TXNDC15: variants seen among roughly 807,000 people sequenced by gnomAD.
TXNDC15 encodes the protein thioredoxin domain-containing protein 15.
In TXNDC15, 24 loss-of-function variants were observed where a neutral mutation model predicts 35.0. That is an observed-to-expected ratio of 0.68 (90% confidence interval 0.50 to 0.96). The LOEUF is 0.96. Ranked by LOEUF, TXNDC15 falls within the 40% of genes least tolerant of loss-of-function variation. The pLI, the probability that TXNDC15 is intolerant of heterozygous loss-of-function variation, is 0.00. For synonymous variants in TXNDC15, 169 were observed against 174.0 expected (o/e 0.97, Z 0.23); for missense variants, 385 against 453.3 (o/e 0.85, Z 1.37).
intron 2 of TXNDC15, among the ~76,000 whole-genome samples, chr5:134,891,274 C>T (rs1386057127): frequency 6.6e-6 from 1 of 152,166 alleles, no homozygotes; most frequent in Non-Finnish European, 1.5e-5. Context: ...CTATCTATGG[C>T]AACTATAGCC....
intron 1 of TXNDC15, among the ~76,000 whole-genome samples, chr5:134,879,793 C>A (rs916849499): frequency 2.1e-5 from 3 of 144,326 alleles, no homozygotes; most frequent in Admixed American, 1.4e-4. Flanking sequence ...TTCTTACCTG[C>A]CTTTTTTTTT....
chr5:134,874,640 GGCGTCTCCCCGGGC>G, intron 1 of TXNDC15, 110 bp downstream of exon 1: 2 of 871,156 alleles, frequency 2.3e-6, no homozygotes, highest in Non-Finnish European at 3.3e-6. Context: ...GCCCCTTCTT[GGCGTCTCCCCGGGC>G]GCGTCTCCCC....
intron 1 of TXNDC15, among the ~76,000 whole-genome samples, chr5:134,880,154 T>G (rs540747685): frequency 6.6e-6 from 1 of 152,234 alleles, no homozygotes; most frequent in South Asian, 2.1e-4. Context: ...ATGTTCCAAA[T>G]AGCAAAATAG....
chr5:134,878,495 C>G (rs549900522), intron 1 of TXNDC15, among the ~76,000 whole-genome samples: 1 of 152,288 alleles, frequency 6.6e-6, no homozygotes, highest in East Asian at 1.9e-4. Flanking sequence ...TCCTCATTTG[C>G]CTTTCCTGCC....
rs1018183618 is a variant in TXNDC15, at chr5:134,901,632, A to G, written c.*1947A>G. ...TTTAAAGAATAAACTAGGTTGGTGC[A>G]GTAGCTCACGCCTGTAATCCCAGGA... On this transcript the variant is annotated 3_prime_UTR_variant, in exon 5 of 5. Coordinates refer to ENST00000358387, the MANE Select transcript of TXNDC15 (RefSeq NM_024715.4). The G allele has an allele frequency of 1.3e-5, 2 of 152,238 alleles. No homozygotes were observed. Among genetic ancestry groups the G allele is most frequent in the African/African-American group, 4.8e-5 (2 of 41,452 alleles). 9.4% of individuals were successfully genotyped at this position (152,238 alleles called of 1,614,324 possible).
chr5:134,896,920 G>A (rs1750501357), intron 4 of TXNDC15, among the ~76,000 whole-genome samples: 1 of 148,824 alleles, frequency 6.7e-6, no homozygotes, highest in African/African-American at 2.5e-5. Context: ...TGGGATTACA[G>A]GCGTGAGCCA....
chr5:134,881,195 A>ATTTTTTTT (rs1750136282), intron 1 of TXNDC15, among the ~76,000 whole-genome samples: 1 of 132,558 alleles, frequency 7.5e-6, no homozygotes, highest in African/African-American at 2.8e-5. Context: ...TTATTTATTT[A>ATTTTTTTT]TTTATTTTTT....
intron 1 of TXNDC15, among the ~76,000 whole-genome samples, chr5:134,881,395 G>T (rs1218043256): frequency 1.3e-4 from 13 of 96,828 alleles, no homozygotes; most frequent in Admixed American, 1.2e-4. Context: ...GACTCTTAAC[G>T]AGCATGCTGC....
At position 134,899,719 on chromosome 5, in the gene TXNDC15, C is replaced by CA; in HGVS notation, c.*36dup. 6.6e-7 allele frequency: 1 copy of CA among 1,511,062 alleles called. No individual in the cohort carries two copies. The highest frequency in any genetic ancestry group is 8.9e-7 in the Non-Finnish European group (1 of 1,125,098). 93.6% of individuals were successfully genotyped at this position (1,511,062 alleles called of 1,614,324 possible). A position where few individuals can be genotyped will look rare whatever the true frequency, so the allele number is the denominator to read the frequency against. On this transcript the variant is annotated 3_prime_UTR_variant, in exon 5 of 5. Coordinates refer to ENST00000358387, the MANE Select transcript of TXNDC15 (RefSeq NM_024715.4). ...TGAAAGAAGTTGGAAAGAGGAACTTCAATCCTTCGTTTCAGAAATTAGTGC... is the reference window on the plus strand; with the variant it reads ...TGAAAGAAGTTGGAAAGAGGAACTTCAAATCCTTCGTTTCAGAAATTAGTGC...
chr5:134,882,727 G>T (rs1034761377), intron 1 of TXNDC15, among the ~76,000 whole-genome samples: 1 of 152,084 alleles, frequency 6.6e-6, no homozygotes, highest in African/African-American at 2.4e-5. Flanking sequence ...GCAATCGCAG[G>T]CACTCGGCAG....
intron 1 of TXNDC15, among the ~76,000 whole-genome samples, chr5:134,884,010 G>A (rs1046110920): frequency 6.6e-6 from 1 of 151,518 alleles, no homozygotes; most frequent in Non-Finnish European, 1.5e-5. Context: ...CCCGAGGTCA[G>A]GAGTTCGAGA....
intron 1 of TXNDC15, among the ~76,000 whole-genome samples, chr5:134,882,300 G>A (rs1385520195): frequency 6.6e-6 from 1 of 151,738 alleles, no homozygotes; most frequent in South Asian, 2.1e-4. Context: ...CCGGGAAGAG[G>A]CGCTCCTCAT....
intron 3 of TXNDC15, 104 bp from the exon 4 acceptor site, chr5:134,896,190 C>A: frequency 1.5e-6 from 2 of 1,372,008 alleles, no homozygotes; most frequent in African/African-American, 1.5e-5. Context: ...CCGTAGGTCA[C>A]ACGCAACTTC....
chr5:134,885,133 G>T (rs1433459596), intron 1 of TXNDC15, among the ~76,000 whole-genome samples: 1 of 152,030 alleles, frequency 6.6e-6, no homozygotes, highest in African/African-American at 2.4e-5. Flanking sequence ...TGTTGGTCAG[G>T]CTGGTCTCAA....
At position 134,893,226 on chromosome 5, in the gene TXNDC15, A is replaced by G. The variant is rs1750422796; in HGVS notation, c.592-266A>G. On this transcript the variant is annotated intron_variant, in intron 2 of 4. Transcript: ENST00000358387. ...TTAAAATAACTTGTAATATTAGGAA[A>G]GCGCAGAGGAAAGTTTAAAACTTTC... 3 of 356,260 alleles carry G rather than the reference A, an allele frequency of 8.4e-6. No homozygotes were observed. The East Asian group carries it at 1.4e-4, about 16-fold the overall frequency. 22.1% of individuals were successfully genotyped at this position (356,260 alleles called of 1,614,324 possible). A position where few individuals can be genotyped will look rare whatever the true frequency, so the allele number is the denominator to read the frequency against.
At chr5:134,877,650 C>T (rs747474822) in intron 1 of TXNDC15, among the ~76,000 whole-genome samples, 11 of 152,082 alleles carry the variant, frequency 7.2e-5, no homozygotes, top group Non-Finnish European at 1.5e-4. Flanking sequence ...TCTTGTCACC[C>T]AGGCTGGAGT....
chr5:134,897,397 A>G (rs1456807075), intron 4 of TXNDC15, among the ~76,000 whole-genome samples: 1 of 150,290 alleles, frequency 6.7e-6, no homozygotes, highest in African/African-American at 2.5e-5. Flanking sequence ...ATAGGTGCGC[A>G]CCACCACACC....
At chr5:134,895,799 C>T (rs765264949) in intron 3 of TXNDC15, among the ~76,000 whole-genome samples, 2 of 152,160 alleles carry the variant, frequency 1.3e-5, no homozygotes, top group African/African-American at 2.4e-5. Flanking sequence ...CAGTTATATT[C>T]CTTCTAAACA....
chr5:134,887,663 A>G (rs774081658), intron 1 of TXNDC15, 32 bp from the exon 2 acceptor site: 6 of 1,527,284 alleles, frequency 3.9e-6, no homozygotes, highest in Admixed American at 2.1e-5. Context: ...TTTGAAGTCA[A>G]ATATGACTCT....
Sources: gnomAD v4.1 joint callset for allele counts (sites outside exome capture counted in the v4.1 genomes callset) on GRCh38, gnomAD v4.1.1 for gene constraint, MANE v1.5 for transcripts, NCBI Gene and HGNC (gene_info 2026-07-23, HGNC 2026-07-21) for gene names.